Variants in RBM28 observed in about 807,000 individuals in gnomAD.
RBM28 encodes the protein RNA-binding protein 28.
Under a neutral mutation model 98.3 loss-of-function variants are expected in RBM28, and 78 were observed. That is an observed-to-expected ratio of 0.79 (90% confidence interval 0.66 to 0.96). The LOEUF (loss-of-function observed/expected upper bound fraction) is 0.96. Ranked by LOEUF, RBM28 falls within the 40% of genes least tolerant of loss-of-function variation. The pLI is 0.00. For missense variants in RBM28, 838 were observed against 913.0 expected, an observed-to-expected ratio of 0.92 and a Z score of 1.06; for synonymous variants, 306 against 330.9, an observed-to-expected ratio of 0.92 and a Z score of 0.82.
In RBM28 at chr7:128,339,222, C is replaced by T. The variant is rs780400375; in HGVS notation, c.372+5G>A. The T allele has an allele frequency of 1.9e-6, 3 of 1,602,444 alleles. No individual in the cohort carries two copies. In the Admixed American group the frequency reaches 5.0e-5, roughly 27 times the overall value. ...CATGCAATGTTCATTTTCTCTCTCA[C>T]TTACCTTAAAGCTCAGGTTCCGAAT... is the stretch of plus-strand genomic sequence containing the variant. On this transcript the variant is annotated splice_donor_5th_base_variant and intron_variant, in intron 3 of 18. Coordinates refer to ENST00000223073, the MANE Select transcript of RBM28 (RefSeq NM_018077.3).
At chr7:128,314,509 C>A (rs1475557379) in intron 17 of RBM28, among the ~76,000 whole-genome samples, 1 of 152,226 alleles carries the variant, frequency 6.6e-6, no homozygotes, top group Non-Finnish European at 1.5e-5. Flanking sequence ...AGATGGCCAT[C>A]TGGACAAGAG....
At chr7:128,333,969 AG>A (rs1450920584) in intron 8 of RBM28, among the ~76,000 whole-genome samples, 1 of 152,260 alleles carries the variant, frequency 6.6e-6, no homozygotes, top group African/African-American at 2.4e-5. Flanking sequence ...GGAAACTTTG[AG>A]GAAAAAACAT....
At chr7:128,335,125 T>C (rs1246363199) in intron 8 of RBM28, among the ~76,000 whole-genome samples, 1 of 152,228 alleles carries the variant, frequency 6.6e-6, no homozygotes. Flanking sequence ...CAGTTCTTTA[T>C]CCCCATCTCA....
chr7:128,330,508 G>A (rs1796456519), intron 10 of RBM28, among the ~76,000 whole-genome samples: 1 of 150,242 alleles, frequency 6.7e-6, no homozygotes, highest in Admixed American at 6.7e-5. Flanking sequence ...CAGCCTCCCA[G>A]GTAGCTGGGA....
chr7:128,332,494 A>G (rs765779636), intron 9 of RBM28, among the ~76,000 whole-genome samples: 16 of 152,036 alleles, frequency 1.1e-4, no homozygotes, highest in Non-Finnish European at 2.1e-4. Context: ...AGCTGGGATT[A>G]CAGGCACACA....
chr7:128,322,772 C>G (rs1796263606), intron 13 of RBM28, among the ~76,000 whole-genome samples: 1 of 152,074 alleles, frequency 6.6e-6, no homozygotes, highest in African/African-American at 2.4e-5. Context: ...CCTATGATTT[C>G]TAGGTGTTCA....
intron 6 of RBM28, among the ~76,000 whole-genome samples, chr7:128,336,641 CA>C (rs949051765): frequency 6.6e-6 from 1 of 152,334 alleles, no homozygotes; most frequent in South Asian, 2.1e-4. Flanking sequence ...TATGAATTGA[CA>C]AACAGACCTG....
chr7:128,301,691 G>A lies in RBM28; in HGVS notation c.*9106C>T, dbSNP rs2116296077. 1 of 152,556 alleles carries A rather than the reference G, an allele frequency of 6.6e-6. No homozygotes were observed. The highest frequency in any genetic ancestry group is 2.4e-5 in the African/African-American group (1 of 41,578). The allele number at this position is 152,556 out of a possible 1,614,324, so 9.5% of individuals were successfully genotyped here. A position where few individuals can be genotyped will look rare whatever the true frequency, so the allele number is the denominator to read the frequency against. ...GAGGGCCTCAAACCCCAGAGGCTCT[G>A]TGGCAGGCACCTGGGAGCCCACTTG... On this transcript the variant is annotated 3_prime_UTR_variant, in exon 19 of 19. Coordinates refer to ENST00000223073, the MANE Select transcript of RBM28 (RefSeq NM_018077.3).
At position 128,302,055 on chromosome 7, in the gene RBM28, G is replaced by A. The variant is rs967908205; in HGVS notation, c.*8742C>T. 6.6e-6 allele frequency: 1 copy of A among 152,150 alleles called. No individual in the cohort carries two copies. Among genetic ancestry groups the A allele is most frequent in the Non-Finnish European group, 1.5e-5 (1 of 68,018 alleles). 9.4% of individuals were successfully genotyped at this position (152,150 alleles called of 1,614,324 possible). ...TTCTTTCTCTTCTTCTGGGCCTCTGGGCCAGAGACAGGCATTTTACTTGAT... is the reference window on the plus strand; with the variant it reads ...TTCTTTCTCTTCTTCTGGGCCTCTGAGCCAGAGACAGGCATTTTACTTGAT... On this transcript the variant is annotated 3_prime_UTR_variant, in exon 19 of 19. Coordinates refer to ENST00000223073, the MANE Select transcript of RBM28 (RefSeq NM_018077.3).
rs185524835 is a variant in RBM28 at position 128,330,453 on chromosome 7, C to T, written c.1129+366G>A. Among the ~76,000 whole-genome samples, 92 of 143,028 alleles carry T rather than the reference C, an allele frequency of 6.4e-4. 1 individual carries two copies. In the East Asian group the frequency reaches 0.014, roughly 21 times the overall value. The allele number at this position is 143,028 out of a possible 152,430, so 93.8% of individuals were successfully genotyped here. The stretch of plus-strand genomic sequence containing the variant: ...CTGGAGTGCAGTGGCATGATCTCGG[C>T]TCATTGCAACCTCCACCTCCCGGGT... On this transcript the variant is annotated intron_variant, in intron 10 of 18. Transcript: ENST00000223073.
At chr7:128,331,482 C>G (rs1175666024) in intron 9 of RBM28, among the ~76,000 whole-genome samples, 1 of 152,016 alleles carries the variant, frequency 6.6e-6, no homozygotes, top group African/African-American at 2.4e-5. Flanking sequence ...TTAAATTGAC[C>G]AAAATTCATT....
In RBM28 at chr7:128,330,942, C is replaced by A; in HGVS notation, c.1020-14G>T. ...AAGGACAGATTTCTATGGAAGATAA[C>A]CAGATGATCACAAGAAAAGTCAATT... On this transcript the variant is annotated splice_polypyrimidine_tract_variant and intron_variant, in intron 9 of 18. Coordinates refer to ENST00000223073, the MANE Select transcript of RBM28 (RefSeq NM_018077.3). 1 of 1,565,488 alleles carries A rather than the reference C, an allele frequency of 6.4e-7. No individual in the cohort carries two copies. The highest frequency in any genetic ancestry group is 8.8e-7 in the Non-Finnish European group (1 of 1,135,730).
Position 128,339,918 on chromosome 7 carries a change from C to CT in RBM28, c.119-128dup, listed in dbSNP as rs1796688182. On this transcript the variant is annotated intron_variant, in intron 1 of 18. Coordinates refer to ENST00000223073, the MANE Select transcript of RBM28 (RefSeq NM_018077.3). ...GAGGATATACTGCCAACCCATCTTG[C>CT]TATCAGTTTGCCAAAAGTCTCAGGA... 3.5e-6 allele frequency: 4 copies of CT among 1,152,218 alleles called. No homozygotes were observed. The Admixed American group carries it at 8.7e-5, about 25-fold the overall frequency. The allele number at this position is 1,152,218 out of a possible 1,614,324, so 71.4% of individuals were successfully genotyped here. A position where few individuals can be genotyped will look rare whatever the true frequency, so the allele number is the denominator to read the frequency against.
At chr7:128,311,185 T>C (rs1420628731) in intron 18 of RBM28, among the ~76,000 whole-genome samples, 1 of 152,134 alleles carries the variant, frequency 6.6e-6, no homozygotes, top group East Asian at 1.9e-4. Context: ...CTCAGGGGCC[T>C]CTCTTACTCT....
intron 8 of RBM28, among the ~76,000 whole-genome samples, chr7:128,334,035 G>C (rs538723346): frequency 6.6e-6 from 1 of 152,186 alleles, no homozygotes; most frequent in Non-Finnish European, 1.5e-5. Flanking sequence ...ATGTGTATAT[G>C]TGTGTGTATA....
At chr7:128,315,916 G>T (rs1274023878) in intron 16 of RBM28, among the ~76,000 whole-genome samples, 1 of 152,174 alleles carries the variant, frequency 6.6e-6, no homozygotes, top group African/African-American at 2.4e-5. Flanking sequence ...AGAACATCAG[G>T]AATGGAATAA....
At chr7:128,318,614 G>T (rs1045094344) in intron 14 of RBM28, among the ~76,000 whole-genome samples, 3 of 151,848 alleles carry the variant, frequency 2.0e-5, no homozygotes, top group Admixed American at 2.0e-4. Context: ...GATTAAAATT[G>T]TATTTTCTTG....
chr7:128,329,890 A>AC (rs2040030023), intron 10 of RBM28, among the ~76,000 whole-genome samples: 1 of 57,112 alleles, frequency 1.8e-5, no homozygotes, highest in African/African-American at 5.6e-5. Context: ...CTCCGTCTCA[A>AC]AAAAAAAAAA....
chr7:128,327,593 T>G (rs1253081159), intron 10 of RBM28, among the ~76,000 whole-genome samples: 2 of 152,064 alleles, frequency 1.3e-5, no homozygotes, highest in African/African-American at 4.8e-5. Flanking sequence ...CTCCGCCTCC[T>G]GGGTTCAAGT....
Sources: allele counts gnomAD v4.1 joint callset (sites outside exome capture counted in the v4.1 genomes callset), GRCh38; gene constraint gnomAD v4.1.1; transcripts MANE v1.5; gene names NCBI Gene and HGNC (gene_info 2026-07-23, HGNC 2026-07-21).